Variants in TTC28 observed in about 807,000 individuals in gnomAD.
TTC28 encodes the protein tetratricopeptide repeat protein 28.
TTC28 carries 61 observed loss-of-function variants against 198.0 expected under a neutral mutation model. That is an observed-to-expected ratio of 0.31 (90% confidence interval 0.25 to 0.38). The LOEUF is 0.38. Among genes scored for constraint, TTC28 ranks in the 10% least tolerant of loss-of-function variants. The pLI is 1.00. For synonymous variants in TTC28, 1,171 were observed against 1,297.8 expected, an observed-to-expected ratio of 0.90 and a Z score of 2.10; for missense variants, 2,678 against 3,164.0, an observed-to-expected ratio of 0.85 and a Z score of 3.69.
At chr22:28,573,403 G>A (rs999336329) in intron 2 of TTC28, among the ~76,000 whole-genome samples, 30 of 151,920 alleles carry the variant, frequency 2.0e-4, no homozygotes, top group Middle Eastern at 3.4e-3. Flanking sequence ...GCAGTGAGCC[G>A]TGATCGCGCC....
At chr22:28,262,488 CTT>C (rs1461867461) in intron 5 of TTC28, among the ~76,000 whole-genome samples, 1 of 152,106 alleles carries the variant, frequency 6.6e-6, no homozygotes, top group Non-Finnish European at 1.5e-5. Context: ...TTGATCTTCT[CTT>C]ATTTACATCA....
At chr22:28,620,090 G>A (rs2050969044) in intron 2 of TTC28, among the ~76,000 whole-genome samples, 3 of 152,148 alleles carry the variant, frequency 2.0e-5, no homozygotes, top group South Asian at 4.1e-4. Context: ...AGTGGCTCAC[G>A]CCTGTAATCC....
chr22:28,421,085 T>C (rs543278640), intron 2 of TTC28, among the ~76,000 whole-genome samples: 2 of 152,212 alleles, frequency 1.3e-5, no homozygotes, highest in Non-Finnish European at 2.9e-5. Context: ...TATTCTGCTA[T>C]AGAGTTGCAA....
chr22:28,056,635 A>G (rs1391211134), intron 12 of TTC28, among the ~76,000 whole-genome samples: 2 of 152,156 alleles, frequency 1.3e-5, no homozygotes, highest in Non-Finnish European at 2.9e-5. Context: ...TATAAAATTT[A>G]TATACAATAA....
intron 16 of TTC28, among the ~76,000 whole-genome samples, chr22:27,996,856 A>T (rs1288727158): frequency 3.9e-5 from 6 of 151,910 alleles, no homozygotes; most frequent in African/African-American, 1.5e-4. Flanking sequence ...TTTCTAAGAT[A>T]ATGAGCTGTT....
rs550183610 is a variant in TTC28, at chr22:28,211,368, G to T, written c.934-47769C>A. Reference sequence around the variant, plus strand: ...GGATAAAGAGTCAAGACCCATCAGTGTGCTGTATTCAGGAGACCCATCTCA... The same window carrying T: ...GGATAAAGAGTCAAGACCCATCAGTTTGCTGTATTCAGGAGACCCATCTCA... On this transcript the variant is annotated intron_variant, in intron 5 of 22. Transcript: ENST00000397906. 2.4e-4 allele frequency among the ~76,000 whole-genome samples: 37 copies of T among 152,224 alleles called. 1 individual carries two copies. The East Asian group carries it at 7.2e-3, about 29-fold the overall frequency.
intron 21 of TTC28, chr22:27,985,600 C>T: frequency 2.6e-6 from 1 of 390,188 alleles, no homozygotes; most frequent in Non-Finnish European, 4.9e-6. Context: ...CTCTCACTGC[C>T]TGGCTCTCCT....
chr22:28,150,686 A>C (rs2147015084), intron 6 of TTC28, among the ~76,000 whole-genome samples: 1 of 152,358 alleles, frequency 6.6e-6, no homozygotes, highest in Middle Eastern at 3.4e-3. Flanking sequence ...CTGGCAAAGC[A>C]AAGGGCTACA....
At chr22:28,036,757 T>G (rs1416716546) in intron 12 of TTC28, among the ~76,000 whole-genome samples, 1 of 151,820 alleles carries the variant, frequency 6.6e-6, no homozygotes, top group Admixed American at 6.6e-5. Context: ...ATCAACAAAA[T>G]TGACAGACCG....
intron 5 of TTC28, among the ~76,000 whole-genome samples, chr22:28,199,383 T>TTATATTTATA (rs1555937306): frequency 1.7e-5 from 2 of 118,528 alleles, no homozygotes; most frequent in Admixed American, 8.8e-5. Flanking sequence ...ACATTAAAAA[T>TTATATTTATA]TATATATATA....
At chr22:28,025,186 T>C (rs956592177) in intron 13 of TTC28, among the ~76,000 whole-genome samples, 2 of 152,182 alleles carry the variant, frequency 1.3e-5, no homozygotes, top group African/African-American at 4.8e-5. Flanking sequence ...ATTTGATCTT[T>C]TGGATCTTTT....
At chr22:28,032,191 A>T (rs1052291508) in intron 12 of TTC28, among the ~76,000 whole-genome samples, 2 of 61,892 alleles carry the variant, frequency 3.2e-5, no homozygotes, top group African/African-American at 1.7e-4. Flanking sequence ...TATATATAAA[A>T]TATATATATA....
intron 6 of TTC28, among the ~76,000 whole-genome samples, chr22:28,146,989 C>A (rs1569162296): frequency 6.6e-6 from 1 of 152,138 alleles, no homozygotes; most frequent in Non-Finnish European, 1.5e-5. Flanking sequence ...CTTAACTCTT[C>A]AGTAGGATGG....
intron 2 of TTC28, among the ~76,000 whole-genome samples, chr22:28,614,934 A>G (rs969922001): frequency 6.6e-6 from 1 of 152,208 alleles, no homozygotes; most frequent in African/African-American, 2.4e-5. Flanking sequence ...AAAAGCCAAA[A>G]TTGACAAATA....
chr22:28,294,225 C>T (rs1318313413), intron 5 of TTC28, among the ~76,000 whole-genome samples: 4 of 152,078 alleles, frequency 2.6e-5, no homozygotes, highest in Admixed American at 2.6e-4. Context: ...GGTGGCAAAC[C>T]TAAGATGGGT....
chr22:28,489,314 A>AAC (rs1555883156), intron 2 of TTC28, among the ~76,000 whole-genome samples: 1 of 151,680 alleles, frequency 6.6e-6, no homozygotes, highest in Non-Finnish European at 1.5e-5. Flanking sequence ...AAAAAAAAAA[A>AAC]ACACACACAT....
At chr22:27,985,494 C>T in intron 21 of TTC28, 138 bp from the exon 22 acceptor site, 2 of 655,212 alleles carry the variant, frequency 3.1e-6, no homozygotes, top group Non-Finnish European at 2.6e-6. Flanking sequence ...CTGGGGCTTC[C>T]CCATGTCTGC....
intron 6 of TTC28, among the ~76,000 whole-genome samples, chr22:28,155,077 T>G (rs1175614885): frequency 1.3e-5 from 2 of 152,210 alleles, no homozygotes. Flanking sequence ...CCTGATTCAG[T>G]CTCCCTGGCT....
intron 2 of TTC28, among the ~76,000 whole-genome samples, chr22:28,567,035 C>T (rs1196180071): frequency 6.6e-6 from 1 of 151,920 alleles, no homozygotes; most frequent in African/African-American, 2.4e-5. Flanking sequence ...GTCAACATGG[C>T]GAAATGCCAT....
Sources: allele counts gnomAD v4.1 joint callset (sites outside exome capture counted in the v4.1 genomes callset), GRCh38; gene constraint gnomAD v4.1.1; transcripts MANE v1.5; gene names NCBI Gene and HGNC (gene_info 2026-07-23, HGNC 2026-07-21).